The following NSL1 variants were observed in gnomAD, a reference collection of about 807,000 sequenced individuals.
NSL1 encodes the protein NSL1 component of MIS12 kinetochore complex.
A neutral mutation model predicts 25.4 loss-of-function variants in NSL1; 11 were observed. The ratio of observed to expected loss-of-function variants is 0.43; its 90% CI spans 0.27 to 0.72. NSL1 has a LOEUF of 0.72. Ranked by LOEUF, NSL1 falls within the 30% of genes least tolerant of loss-of-function variation. The pLI is 0.19. For synonymous variants in NSL1, 118 were observed against 120.6 expected (o/e 0.98, Z 0.14); for missense variants, 330 against 342.7 (o/e 0.96, Z 0.29).
At position 212,750,737 on chromosome 1, in the gene NSL1, C is replaced by G. The variant is rs538590933; in HGVS notation, c.500-11136G>C. On this transcript the variant is annotated intron_variant, in intron 4 of 5. Coordinates refer to ENST00000366977, the MANE Select transcript of NSL1 (RefSeq NM_015471.4). The stretch of plus-strand genomic sequence containing the variant: ...GGTAAATCACCTGAGGTCAGGAGTT[C>G]GAGACTAGCCTGGCTAACATGGTGA... Among the ~76,000 whole-genome samples, 10 of 152,030 alleles carry G rather than the reference C, an allele frequency of 6.6e-5. No homozygotes were observed. The East Asian group carries it at 1.9e-3, about 29-fold the overall frequency.
In NSL1 at chr1:212,738,335, C is replaced by G. The variant is rs150551399; in HGVS notation, c.*73G>C. On this transcript the variant is annotated 3_prime_UTR_variant, in exon 6 of 6. Transcript: ENST00000366977. The stretch of plus-strand genomic sequence containing the variant: ...TTTCTTATTTCAAATGAAGTCTTAT[C>G]TAGGTATTAATTAGGCTGTAATCTA... 1,238 of 1,529,600 alleles carry G rather than the reference C, an allele frequency of 8.1e-4. 5 individuals are homozygous for G. In the African/African-American group the frequency reaches 0.016, roughly 19 times the overall value. The allele number at this position is 1,529,600 out of a possible 1,614,324, so 94.8% of individuals were successfully genotyped here.
intron 4 of NSL1, among the ~76,000 whole-genome samples, chr1:212,747,238 T>C (rs1658841150): frequency 6.6e-6 from 1 of 152,166 alleles, no homozygotes; most frequent in Admixed American, 6.5e-5. Flanking sequence ...GCATGACCAG[T>C]AACTAACAGC....
In NSL1 at chr1:212,760,785, G is replaced by T. The variant is rs928436905; in HGVS notation, c.500-21184C>A. 6.6e-6 allele frequency among the ~76,000 whole-genome samples: 1 copy of T among 152,178 alleles called. No individual in the cohort carries two copies. Among genetic ancestry groups the T allele is most frequent in the Non-Finnish European group, 1.5e-5 (1 of 68,032 alleles). Reference sequence around the variant, plus strand: ...CTGAGCAAGCCACCTGGAGGCCCAAGAATTGGTCTGCCTGGACCTGATAAC... The same window carrying T: ...CTGAGCAAGCCACCTGGAGGCCCAATAATTGGTCTGCCTGGACCTGATAAC... On this transcript the variant is annotated intron_variant, in intron 4 of 5. Coordinates refer to ENST00000366977, the MANE Select transcript of NSL1 (RefSeq NM_015471.4). The surrounding 1 kb of genome is among the most constrained non-coding windows in gnomAD (Gnocchi z 4.3).
chr1:212,764,803 A>C (rs970853349), intron 4 of NSL1, among the ~76,000 whole-genome samples: 1 of 141,670 alleles, frequency 7.1e-6, no homozygotes. Flanking sequence ...CCAAGATCAC[A>C]CCACTGCACT....
intron 4 of NSL1, among the ~76,000 whole-genome samples, chr1:212,739,963 A>T (rs1476331539): frequency 6.6e-6 from 1 of 152,196 alleles, no homozygotes; most frequent in African/African-American, 2.4e-5. Context: ...TAAAAGTAAC[A>T]CATATTCGAT....
Position 212,726,965 on chromosome 1 carries a change from G to C in NSL1, c.*11443C>G. On this transcript the variant is annotated 3_prime_UTR_variant, in exon 6 of 6. Coordinates refer to ENST00000366977, the MANE Select transcript of NSL1 (RefSeq NM_015471.4). ...CTCTTCATGGTGGGTGAAGAGCACA[G>C]GGAGAGTGTGCTTCCTGGCTGTGTC... 1 of 647,396 alleles carries C rather than the reference G, an allele frequency of 1.5e-6. No individual in the cohort carries two copies. The highest frequency in any genetic ancestry group is 2.5e-6 in the Non-Finnish European group (1 of 394,714). 40.1% of individuals were successfully genotyped at this position (647,396 alleles called of 1,614,324 possible).
chr1:212,775,218 A>G (rs1660306201), intron 4 of NSL1, among the ~76,000 whole-genome samples: 4 of 152,220 alleles, frequency 2.6e-5, no homozygotes, highest in Non-Finnish European at 5.9e-5. Context: ...TAGAAAGTAC[A>G]TTAGTGGCCG....
intron 1 of NSL1, among the ~76,000 whole-genome samples, chr1:212,789,051 C>A (rs1420044032): frequency 1.3e-5 from 2 of 152,116 alleles, no homozygotes; most frequent in African/African-American, 4.8e-5. Context: ...AAGAATTTTG[C>A]TTTATGCTAC....
chr1:212,787,847 G>A (rs1661008237), intron 1 of NSL1, among the ~76,000 whole-genome samples: 1 of 151,844 alleles, frequency 6.6e-6, no homozygotes, highest in Admixed American at 6.6e-5. Context: ...TGCTACCCAA[G>A]AGAAAATCTG....
chr1:212,787,000 C>T (rs1420638391), intron 2 of NSL1, among the ~76,000 whole-genome samples: 1 of 148,150 alleles, frequency 6.7e-6, no homozygotes, highest in Non-Finnish European at 1.5e-5. Context: ...CTGTCCTCTA[C>T]CAAAAATACA....
chr1:212,742,738 CTG>C (rs2102432404), intron 4 of NSL1, among the ~76,000 whole-genome samples: 1 of 152,296 alleles, frequency 6.6e-6, no homozygotes, highest in African/African-American at 2.4e-5. Context: ...GTTAATCTGA[CTG>C]ACACTCAAAA....
At chr1:212,748,568 T>C in intron 4 of NSL1, among the ~76,000 whole-genome samples, 1 of 152,166 alleles carries the variant, frequency 6.6e-6, no homozygotes, top group East Asian at 1.9e-4. Flanking sequence ...ATGAATCTCA[T>C]AGGAATAACA....
chr1:212,787,267 A>C (rs2102407110), intron 2 of NSL1, among the ~76,000 whole-genome samples: 1 of 152,338 alleles, frequency 6.6e-6, no homozygotes, highest in Non-Finnish European at 1.5e-5. Flanking sequence ...TTTTAAGGGT[A>C]CTTCACTATT....
chr1:212,727,181 T>C lies in NSL1; in HGVS notation c.*11227A>G. The C allele has an allele frequency of 6.4e-7, 1 of 1,560,302 alleles. No individual in the cohort carries two copies. The highest frequency in any genetic ancestry group is 8.7e-7 in the Non-Finnish European group (1 of 1,153,096). On this transcript the variant is annotated 3_prime_UTR_variant, in exon 6 of 6. Transcript: ENST00000366977. ...GAGCTAGTCCACCAGGCTTGGCTCC[T>C]AATGTGTTAAATGGGGGTGAATGGA...
intron 4 of NSL1, among the ~76,000 whole-genome samples, chr1:212,779,622 C>T (rs527508341): frequency 3.9e-5 from 5 of 128,142 alleles, no homozygotes; most frequent in African/African-American, 1.6e-4. Context: ...GTCAGCCCCC[C>T]GCCCGGTCAG....
Position 212,728,638 on chromosome 1 carries a change from A to G in NSL1, c.*9770T>C. Reference sequence around the variant, plus strand: ...CTGAGAATTCTGAGGCTCTGATCTGATGAGTGAAGGGAACCACAGGCTTAT... The same window carrying G: ...CTGAGAATTCTGAGGCTCTGATCTGGTGAGTGAAGGGAACCACAGGCTTAT... On this transcript the variant is annotated 3_prime_UTR_variant, in exon 6 of 6. Coordinates refer to ENST00000366977, the MANE Select transcript of NSL1 (RefSeq NM_015471.4). 1.0e-6 allele frequency: 1 copy of G among 985,480 alleles called. No individual in the cohort carries two copies. Among genetic ancestry groups the G allele is most frequent in the Non-Finnish European group, 1.2e-6 (1 of 829,944 alleles). 61.0% of individuals were successfully genotyped at this position (985,480 alleles called of 1,614,324 possible).
At chr1:212,750,921 A>G (rs1401681658) in intron 4 of NSL1, among the ~76,000 whole-genome samples, 1 of 152,164 alleles carries the variant, frequency 6.6e-6, no homozygotes, top group Non-Finnish European at 1.5e-5. Context: ...AGCCAGAGTC[A>G]CAGAGCAAGA....
At chr1:212,763,148 A>G (rs896150404) in intron 4 of NSL1, among the ~76,000 whole-genome samples, 1 of 152,106 alleles carries the variant, frequency 6.6e-6, no homozygotes, top group Non-Finnish European at 1.5e-5. Context: ...GCCAACTGTG[A>G]AAGAGCTGGG....
In NSL1 at chr1:212,735,351, G is replaced by GA; in HGVS notation, c.*3056dup. The GA allele has an allele frequency of 1.0e-6, 1 of 985,418 alleles. No homozygotes were observed. Among genetic ancestry groups the GA allele is most frequent in the Non-Finnish European group, 1.2e-6 (1 of 829,916 alleles). The allele number at this position is 985,418 out of a possible 1,614,324, so 61.0% of individuals were successfully genotyped here. On this transcript the variant is annotated 3_prime_UTR_variant, in exon 6 of 6. Coordinates refer to ENST00000366977, the MANE Select transcript of NSL1 (RefSeq NM_015471.4). ...GTATGTGTTGAACAGATGAATAAAT[G>GA]AATGAAGGTGGATAGAGAAGATAGG...
Sources: gnomAD v4.1 joint callset for allele counts (sites outside exome capture counted in the v4.1 genomes callset) on GRCh38, gnomAD v4.1.1 for gene constraint, Gnocchi (gnomAD v3.1) non-coding constraint, MANE v1.5 for transcripts, NCBI Gene and HGNC (gene_info 2026-07-23, HGNC 2026-07-21) for gene names.